PCDHA8: variants seen among roughly 807,000 people sequenced by gnomAD.
The protein encoded by PCDHA8 is protocadherin alpha 8, also known as protocadherin alpha-8.
A neutral mutation model predicts 61.8 loss-of-function variants in PCDHA8; 53 were observed. That is an observed-to-expected ratio of 0.86 (90% CI 0.69 to 1.08). The LOEUF (loss-of-function observed/expected upper bound fraction) is 1.08. Among genes scored for constraint, PCDHA8 ranks in the 50% least tolerant of loss-of-function variants. The pLI is 0.00. For missense variants in PCDHA8, 1,293 were observed against 1,245.0 expected, an observed-to-expected ratio of 1.04 and a Z score of -0.58; for synonymous variants, 618 against 556.6, an observed-to-expected ratio of 1.11 and a Z score of -1.55.
At chr5:140,918,027 G>C (rs782291548) in intron 1 of PCDHA8, among the ~76,000 whole-genome samples, 2 of 152,108 alleles carry the variant, frequency 1.3e-5, no homozygotes, top group East Asian at 3.8e-4. Context: ...ACCCATGAGC[G>C]TGGAAGGTCT....
In PCDHA8 at chr5:140,849,850, C is replaced by A. The variant is rs17844329; in HGVS notation, c.2394+6135C>A. ...GAGGTGGCCGACGTGAACGACAACG[C>A]ACCAGCGTTCGCGCAGTCCGAGTAC... On this transcript the variant is annotated intron_variant, in intron 1 of 3. Transcript: ENST00000531613. The A allele has an allele frequency of 2.5e-4, 392 of 1,598,618 alleles. 6 individuals carry two copies. The East Asian group carries it at 8.6e-3, about 35-fold the overall frequency.
In PCDHA8 at chr5:140,929,637, G is replaced by A. The variant is rs373869618; in HGVS notation, c.2395-49312G>A. ...CCAAAATATTTTATAAGCAACAGATGTGTAAGGCACTCTAATATTTAAAGT... is the reference window on the plus strand; with the variant it reads ...CCAAAATATTTTATAAGCAACAGATATGTAAGGCACTCTAATATTTAAAGT... On this transcript the variant is annotated intron_variant, in intron 1 of 3. Coordinates refer to ENST00000531613, the MANE Select transcript of PCDHA8 (RefSeq NM_018911.3). The A allele has an allele frequency of 1.4e-4, 52 of 378,290 alleles. No homozygotes were observed. The South Asian group carries it at 3.2e-3, about 23-fold the overall frequency. The allele number at this position is 378,290 out of a possible 1,614,324, so 23.4% of individuals were successfully genotyped here. A position where few individuals can be genotyped will look rare whatever the true frequency, so the allele number is the denominator to read the frequency against.
intron 1 of PCDHA8, among the ~76,000 whole-genome samples, chr5:140,935,104 A>G (rs1233919640): frequency 2.0e-5 from 3 of 152,126 alleles, no homozygotes; most frequent in Non-Finnish European, 4.4e-5. Context: ...GCCATTTTTC[A>G]AAGAGCTTTC....
chr5:140,981,881 C>T lies in PCDHA8; in HGVS notation c.2454-594C>T, dbSNP rs138571007. Among the ~76,000 whole-genome samples the T allele has an allele frequency of 4.1e-3, 622 of 152,270 alleles. 4 individuals carry two copies. Among genetic ancestry groups the T allele is most frequent in the African/African-American group, 0.014 (590 of 41,550 alleles). ...CAGCAATGTTTTATGCTGAATTAAT[C>T]TCTTCTGAGCGGGGATCTGTGAGTG... On this transcript the variant is annotated intron_variant, in intron 2 of 3. Transcript: ENST00000531613.
chr5:140,936,987 T>A (rs996790487), intron 1 of PCDHA8, among the ~76,000 whole-genome samples: 1 of 152,170 alleles, frequency 6.6e-6, no homozygotes, highest in Non-Finnish European at 1.5e-5. Flanking sequence ...CTTGTTAACA[T>A]TGACAATATT....
In PCDHA8 at chr5:141,010,551, C is replaced by T. The variant is rs2098417607; in HGVS notation, c.*614C>T. ...AGCCACCCTCTAGGAGACAAAACTA[C>T]CCCCACTGACAAGGCTTTAGGAGAC... On this transcript the variant is annotated 3_prime_UTR_variant, in exon 4 of 4. Coordinates refer to ENST00000531613, the MANE Select transcript of PCDHA8 (RefSeq NM_018911.3). The T allele has an allele frequency of 9.3e-6, 3 of 323,786 alleles. No homozygotes were observed. Among genetic ancestry groups the T allele is most frequent in the African/African-American group, 2.1e-5 (1 of 47,406 alleles). The allele number at this position is 323,786 out of a possible 1,614,324, so 20.1% of individuals were successfully genotyped here.
intron 1 of PCDHA8, chr5:140,967,136 C>T (rs782698899): frequency 6.8e-6 from 11 of 1,611,568 alleles, no homozygotes; most frequent in Non-Finnish European, 9.3e-6. Context: ...CTTGGAAGTG[C>T]TGGCGCACAA....
intron 1 of PCDHA8, among the ~76,000 whole-genome samples, chr5:140,963,398 G>C (rs1465736344): frequency 6.6e-6 from 1 of 152,220 alleles, no homozygotes; most frequent in Admixed American, 6.5e-5. Flanking sequence ...CTCCCTACTG[G>C]ATGCTGTAGA....
chr5:140,919,981 T>TA (rs869118855), intron 1 of PCDHA8, among the ~76,000 whole-genome samples: 2 of 133,388 alleles, frequency 1.5e-5, no homozygotes, highest in Admixed American at 7.6e-5. Flanking sequence ...AGATAGAAGA[T>TA]GGAAAACAGA....
In PCDHA8 at chr5:140,853,104, C is replaced by T. The variant is rs1299242689; in HGVS notation, c.2394+9389C>T. 2.1e-5 allele frequency: 8 copies of T among 388,186 alleles called. 1 individual carries two copies. The highest frequency in any genetic ancestry group is 4.4e-5 in the African/African-American group (2 of 45,392). 24.0% of individuals were successfully genotyped at this position (388,186 alleles called of 1,614,324 possible). A position where few individuals can be genotyped will look rare whatever the true frequency, so the allele number is the denominator to read the frequency against. ...CCGTGTTAGTCAGGATGGTCTCGAT[C>T]TCCTGACCTCATGATCCTCCCGCCT... On this transcript the variant is annotated intron_variant, in intron 1 of 3. Coordinates refer to ENST00000531613, the MANE Select transcript of PCDHA8 (RefSeq NM_018911.3).
chr5:140,939,034 A>T (rs1367274051), intron 1 of PCDHA8, among the ~76,000 whole-genome samples: 1 of 152,216 alleles, frequency 6.6e-6, no homozygotes, highest in Non-Finnish European at 1.5e-5. Context: ...TATTCGGAAG[A>T]GTTGTCTTAG....
At chr5:140,973,665 T>C (rs1309458037) in intron 1 of PCDHA8, among the ~76,000 whole-genome samples, 2 of 152,248 alleles carry the variant, frequency 1.3e-5, no homozygotes, top group Non-Finnish European at 2.9e-5. Context: ...CTATTTATTG[T>C]AGCTTGAATG....
chr5:140,928,903 T>C, intron 1 of PCDHA8: 1 of 1,614,190 alleles, frequency 6.2e-7, no homozygotes, highest in Non-Finnish European at 8.5e-7. Flanking sequence ...TGAAGATGTC[T>C]GGGAACCAGG....
chr5:140,868,102 T>C (rs2153230741), intron 1 of PCDHA8: 1 of 152,242 alleles, frequency 6.6e-6, no homozygotes, highest in Admixed American at 6.5e-5. Flanking sequence ...ATAATAAAAT[T>C]TATTTTATAG....
In PCDHA8 at chr5:140,841,477, G is replaced by A. The variant is rs2150316212; in HGVS notation, c.156G>A (p.Leu52=). 6.2e-6 allele frequency: 10 copies of A among 1,612,988 alleles called. No individual in the cohort carries two copies. Among genetic ancestry groups the A allele is most frequent in the African/African-American group, 4.0e-5 (3 of 74,844 alleles). ...GTFVGRIAQD[L]GLELAELVPR... is the part of the protein sequence containing the mutation. ...TCGTGGGCCGGATCGCGCAGGACCT[G>A]GGGCTGGAGCTGGCGGAGCTGGTGC... Residue 52 remains leucine, a synonymous_variant, in exon 1 of 4, where the codon CTG becomes CTA. Coordinates refer to ENST00000531613, the MANE Select transcript of PCDHA8 (RefSeq NM_018911.3).
intron 1 of PCDHA8, among the ~76,000 whole-genome samples, chr5:140,846,505 G>A (rs1780519041): frequency 6.8e-6 from 1 of 146,968 alleles, no homozygotes; most frequent in Non-Finnish European, 1.5e-5. Flanking sequence ...CTCCCAAGTA[G>A]CTGGGATTAC....
chr5:140,852,064 C>G, intron 1 of PCDHA8: 1 of 904,052 alleles, frequency 1.1e-6, no homozygotes, highest in Non-Finnish European at 1.3e-6. Flanking sequence ...ATTTTTCTTT[C>G]TCTTTCAGCT....
At chr5:140,914,360 T>C (rs782101976) in intron 1 of PCDHA8, among the ~76,000 whole-genome samples, 10 of 152,218 alleles carry the variant, frequency 6.6e-5, no homozygotes, top group Non-Finnish European at 1.5e-4. Context: ...GTTTTTGTCT[T>C]GAGATCTATT....
Position 140,853,937 on chromosome 5 carries a change from G to T in PCDHA8, c.2394+10222G>T, listed in dbSNP as rs367556947. The T allele has an allele frequency of 1.7e-4, 142 of 835,446 alleles. 8 individuals carry two copies. The highest frequency in any genetic ancestry group is 1.9e-4 in the Non-Finnish European group (128 of 679,266). 51.8% of individuals were successfully genotyped at this position (835,446 alleles called of 1,614,324 possible). A position where few individuals can be genotyped will look rare whatever the true frequency, so the allele number is the denominator to read the frequency against. On this transcript the variant is annotated intron_variant, in intron 1 of 3. Coordinates refer to ENST00000531613, the MANE Select transcript of PCDHA8 (RefSeq NM_018911.3). ...CAATCCCAACATTTTGGGAGGCCAA[G>T]GTGGGAGGGTCCCTTCCTTGAGCCC...
Sources: gnomAD v4.1 joint callset for allele counts (sites outside exome capture counted in the v4.1 genomes callset) on GRCh38, gnomAD v4.1.1 for gene constraint, MANE v1.5 for transcripts, NCBI Gene and HGNC (gene_info 2026-07-23, HGNC 2026-07-21) for gene names.